The following IQSEC1 variants were observed in gnomAD, a reference collection of about 807,000 sequenced individuals.
The protein encoded by IQSEC1 is IQ motif and Sec7 domain ArfGEF 1, also known as IQ motif and SEC7 domain-containing protein 1.
A neutral mutation model predicts 91.0 loss-of-function variants in IQSEC1; 31 were observed. The observed-to-expected ratio is 0.34, with a 90% confidence interval of 0.26 to 0.46. The LOEUF (loss-of-function observed/expected upper bound fraction) is 0.46. Among genes scored for constraint, IQSEC1 ranks in the 20% least tolerant of loss-of-function variants. IQSEC1 has a pLI of 1.00. For synonymous variants in IQSEC1, 699 were observed against 662.6 expected (o/e 1.05, Z -0.84); for missense variants, 1,388 against 1,575.6 (o/e 0.88, Z 2.02).
At chr3:13,019,820 G>A (rs753933477) in intron 1 of IQSEC1, among the ~76,000 whole-genome samples, 7 of 152,168 alleles carry the variant, frequency 4.6e-5, no homozygotes, top group Non-Finnish European at 7.3e-5. Flanking sequence ...TGACACCCCT[G>A]TGAAGCTACC....
rs558493369 is a variant in IQSEC1 at position 13,117,971 on chromosome 3, CG to C, written c.302+46132del. ...GATCTAGTATCCTTATCAGAGAAAC[CG>C]GGCCCCCTGTGCACTGCTGGTGGGA... On this transcript the variant is annotated intron_variant, in intron 2 of 15. Transcript: ENST00000648114. Among the ~76,000 whole-genome samples, 26 of 152,162 alleles carry C rather than the reference CG, an allele frequency of 1.7e-4. No homozygotes were observed. The South Asian group carries it at 5.4e-3, about 32-fold the overall frequency.
intron 12 of IQSEC1, among the ~76,000 whole-genome samples, chr3:12,904,890 C>T (rs1229011672): frequency 2.0e-5 from 3 of 152,170 alleles, no homozygotes; most frequent in African/African-American, 4.8e-5. Flanking sequence ...TTGAACATGG[C>T]CCTCCTTACC....
In IQSEC1 at chr3:13,249,685, G is replaced by A. The variant is rs148313771; in HGVS notation, c.272+33026C>T. Among the ~76,000 whole-genome samples, 209 of 152,198 alleles carry A rather than the reference G, an allele frequency of 1.4e-3. 2 individuals are homozygous for A. Among genetic ancestry groups the A allele is most frequent in the Admixed American group, 2.8e-3 (43 of 15,280 alleles). ...AAACCACTCCATCTCTCTGGGTCTC[G>A]GTCTCCTCTTCTGAAAAACGAGGTG... On this transcript the variant is annotated intron_variant, in intron 1 of 15. Coordinates refer to the IQSEC1 transcript ENST00000648114.
chr3:12,910,194 G>A (rs903130861), intron 10 of IQSEC1, among the ~76,000 whole-genome samples: 1 of 152,330 alleles, frequency 6.6e-6, no homozygotes, highest in South Asian at 2.1e-4. Context: ...TTAAAAATAT[G>A]CAAACCATAT....
At chr3:13,169,715 C>A (rs1277255844) in intron 1 of IQSEC1, among the ~76,000 whole-genome samples, 4 of 152,212 alleles carry the variant, frequency 2.6e-5, no homozygotes, top group African/African-American at 9.7e-5. Flanking sequence ...AGCAAAGAGA[C>A]TGGCAGCATT....
intron 1 of IQSEC1, among the ~76,000 whole-genome samples, chr3:13,227,799 G>A (rs2121906): frequency 0.16 from 24,596 of 152,134 alleles, 2,627 homozygotes; most frequent in East Asian, 0.34. Context: ...CTTTCCGGGA[G>A]GCATCTCACA....
intron 1 of IQSEC1, among the ~76,000 whole-genome samples, chr3:12,962,131 T>C (rs1390984944): frequency 6.6e-6 from 1 of 152,186 alleles, no homozygotes; most frequent in Non-Finnish European, 1.5e-5. Flanking sequence ...CAACGGTCAA[T>C]CAGGGCCAGT....
intron 1 of IQSEC1, among the ~76,000 whole-genome samples, chr3:13,250,287 G>A (rs1399903270): frequency 2.0e-5 from 3 of 152,186 alleles, no homozygotes; most frequent in Non-Finnish European, 4.4e-5. Context: ...GGCACACACA[G>A]GAAGCATCGA....
At chr3:12,923,380 C>G (rs1049909878) in intron 4 of IQSEC1, among the ~76,000 whole-genome samples, 3 of 152,158 alleles carry the variant, frequency 2.0e-5, no homozygotes, top group Admixed American at 6.5e-5. Context: ...CCTTTCCTCA[C>G]GCCTGCTTCA....
At chr3:13,109,751 T>C (rs1455227619) in intron 2 of IQSEC1, among the ~76,000 whole-genome samples, 1 of 151,026 alleles carries the variant, frequency 6.6e-6, no homozygotes, top group Non-Finnish European at 1.5e-5. Flanking sequence ...GATGCCACCA[T>C]GCTTCCCGTA....
chr3:12,902,858 G>A, intron 12 of IQSEC1, 36 bp from the exon 13 acceptor site: 10 of 1,555,320 alleles, frequency 6.4e-6, no homozygotes, highest in Non-Finnish European at 8.0e-6. Context: ...GTTAGACGCG[G>A]ACATGAGGCT....
Position 13,030,928 on chromosome 3 carries a change from A to G in IQSEC1, c.23+42064T>C, listed in dbSNP as rs146917632. Among the ~76,000 whole-genome samples the G allele has an allele frequency of 2.6e-3, 400 of 152,356 alleles. 2 individuals are homozygous for G. The highest frequency in any genetic ancestry group is 8.9e-3 in the African/African-American group (372 of 41,586). On this transcript the variant is annotated intron_variant, in intron 1 of 13. Transcript: ENST00000613206. ...ACTTCCACGCATGTTTCACACTTTC[A>G]ACAATAAGAAGCTAAAAGCAATGCA... is the stretch of plus-strand genomic sequence containing the variant.
intron 1 of IQSEC1, among the ~76,000 whole-genome samples, chr3:13,019,474 C>T (rs1050511032): frequency 2.6e-5 from 4 of 152,256 alleles, no homozygotes; most frequent in African/African-American, 4.8e-5. Flanking sequence ...CTGTGGCCGC[C>T]GGCAGCTCCG....
chr3:12,962,776 C>T (rs1700322179), intron 1 of IQSEC1, among the ~76,000 whole-genome samples: 1 of 152,238 alleles, frequency 6.6e-6, no homozygotes, highest in Non-Finnish European at 1.5e-5. Flanking sequence ...GTCCCAGAAT[C>T]CTGCCGGAGA....
intron 1 of IQSEC1, among the ~76,000 whole-genome samples, chr3:13,279,428 G>A (rs1268461000): frequency 6.6e-6 from 1 of 152,198 alleles, no homozygotes; most frequent in Non-Finnish European, 1.5e-5. Context: ...AGAAACTCAT[G>A]ATGGTATTTT....
chr3:13,246,587 G>A (rs1006601616), intron 1 of IQSEC1, among the ~76,000 whole-genome samples: 4 of 152,182 alleles, frequency 2.6e-5, no homozygotes, highest in Non-Finnish European at 5.9e-5. Context: ...ATATAGCTAC[G>A]AAATATAAAC....
chr3:12,967,546 C>A lies in IQSEC1; in HGVS notation c.24-25681G>T. ...CCAGCGAGCCGCCGGATCCCGGGGC[C>A]GACACCCGGCCACCCGGAGACCCGA... On this transcript the variant is annotated intron_variant, in intron 1 of 13. Transcript: ENST00000613206. The surrounding 1 kb of genome is among the most constrained non-coding windows in gnomAD (Gnocchi z 5.9). 1.5e-6 allele frequency: 2 copies of A among 1,368,486 alleles called. No individual in the cohort carries two copies. The highest frequency in any genetic ancestry group is 3.4e-5 in the South Asian group (2 of 58,502). The allele number at this position is 1,368,486 out of a possible 1,614,324, so 84.8% of individuals were successfully genotyped here. A position where few individuals can be genotyped will look rare whatever the true frequency, so the allele number is the denominator to read the frequency against.
At chr3:13,090,842 T>A (rs1014969775) in intron 2 of IQSEC1, among the ~76,000 whole-genome samples, 1 of 152,124 alleles carries the variant, frequency 6.6e-6, no homozygotes, top group Non-Finnish European at 1.5e-5. Flanking sequence ...CAGAAGGACC[T>A]CAGCCGGGGA....
At chr3:13,265,922 A>AC (rs1695482045) in intron 1 of IQSEC1, among the ~76,000 whole-genome samples, 1 of 150,774 alleles carries the variant, frequency 6.6e-6, no homozygotes, top group Non-Finnish European at 1.5e-5. Flanking sequence ...ATTGCAAAAA[A>AC]AAAAAAAAAA....
Sources: allele counts gnomAD v4.1 joint callset (sites outside exome capture counted in the v4.1 genomes callset), GRCh38; gene constraint gnomAD v4.1.1; non-coding constraint Gnocchi (gnomAD v3.1); transcripts MANE v1.5; gene names NCBI Gene and HGNC (gene_info 2026-07-23, HGNC 2026-07-21).